NKAIN2: variants seen among roughly 807,000 people sequenced by gnomAD.
NKAIN2 encodes sodium/potassium transporting ATPase interacting 2, also known as sodium/potassium-transporting ATPase subunit beta-1-interacting protein 2.
A neutral mutation model predicts 32.6 loss-of-function variants in NKAIN2; 14 were observed. The ratio of observed to expected loss-of-function variants is 0.43; its 90% CI spans 0.28 to 0.67. The LOEUF (loss-of-function observed/expected upper bound fraction) is 0.67, where lower values mean the gene tolerates loss of function less well. Among genes scored for constraint, NKAIN2 ranks in the 30% least tolerant of loss-of-function variants. The probability of loss-of-function intolerance (pLI) is 0.17; values close to 1 mark genes in which losing one functional copy is unlikely to be tolerated. For missense variants in NKAIN2, 198 were observed against 258.3 expected (o/e 0.77, Z 1.60); for synonymous variants, 80 against 87.2 (o/e 0.92, Z 0.46).
At chr6:124,325,310 T>A (rs1185388395) in intron 2 of NKAIN2, among the ~76,000 whole-genome samples, 1 of 152,046 alleles carries the variant, frequency 6.6e-6, no homozygotes. Context: ...AGTGGGGATG[T>A]AAAATGGTTC....
At chr6:124,498,375 T>G (rs1476948663) in intron 3 of NKAIN2, among the ~76,000 whole-genome samples, 2 of 152,166 alleles carry the variant, frequency 1.3e-5, no homozygotes, top group African/African-American at 4.8e-5. Context: ...AGGGTGGATG[T>G]AAGCACAGAG....
chr6:124,739,735 G>C (rs1007396998), intron 4 of NKAIN2, among the ~76,000 whole-genome samples: 2 of 151,876 alleles, frequency 1.3e-5, no homozygotes, highest in African/African-American at 4.8e-5. Flanking sequence ...TGAAGAGTGA[G>C]CACTGCATCA....
At chr6:124,260,538 T>C (rs1794197910) in intron 1 of NKAIN2, among the ~76,000 whole-genome samples, 1 of 152,076 alleles carries the variant, frequency 6.6e-6, no homozygotes, top group African/African-American at 2.4e-5. Flanking sequence ...CCTGCTGTGT[T>C]CAAGAATCAG....
intron 3 of NKAIN2, among the ~76,000 whole-genome samples, chr6:124,409,610 G>T (rs931141348): frequency 9.9e-5 from 15 of 152,050 alleles, no homozygotes; most frequent in African/African-American, 1.4e-4. Context: ...ATTTTATTGA[G>T]GATTTTTGCA....
chr6:124,311,241 G>A (rs1480845875), intron 2 of NKAIN2, among the ~76,000 whole-genome samples: 1 of 151,996 alleles, frequency 6.6e-6, no homozygotes, highest in Non-Finnish European at 1.5e-5. Flanking sequence ...CTGCAGAGTT[G>A]GACAATACTG....
chr6:124,207,328 T>A (rs532668215), intron 1 of NKAIN2, among the ~76,000 whole-genome samples: 65 of 151,612 alleles, frequency 4.3e-4, no homozygotes, highest in African/African-American at 1.5e-3. Flanking sequence ...AATCGGGAAC[T>A]TAATTCCAAA....
At chr6:124,467,841 C>G (rs1032115550) in intron 3 of NKAIN2, among the ~76,000 whole-genome samples, 7 of 151,924 alleles carry the variant, frequency 4.6e-5, no homozygotes, top group African/African-American at 1.7e-4. Flanking sequence ...TTTAATTGAT[C>G]AAAGCTCAGG....
intron 1 of NKAIN2, among the ~76,000 whole-genome samples, chr6:124,165,295 G>A (rs1000472602): frequency 7.2e-5 from 11 of 151,968 alleles, no homozygotes; most frequent in African/African-American, 2.4e-4. Flanking sequence ...GGAAAAATTG[G>A]AATCACTAAT....
chr6:124,159,611 G>T (rs141370599), intron 1 of NKAIN2, among the ~76,000 whole-genome samples: 109 of 152,188 alleles, frequency 7.2e-4, no homozygotes, highest in Non-Finnish European at 1.3e-3. Context: ...CCTTATATTA[G>T]CCCATTCTTG....
At chr6:124,689,001 CA>C (rs1347420251) in intron 4 of NKAIN2, among the ~76,000 whole-genome samples, 1 of 152,118 alleles carries the variant, frequency 6.6e-6, no homozygotes. Flanking sequence ...CCAAGGAGCA[CA>C]ATTGCTAGTT....
In NKAIN2 at chr6:124,824,823, C is replaced by T. The variant is rs1036415163; in HGVS notation, c.*1594C>T. 2.6e-5 allele frequency: 4 copies of T among 152,086 alleles called. No homozygotes were observed. The highest frequency in any genetic ancestry group is 9.7e-5 in the African/African-American group (4 of 41,408). The allele number at this position is 152,086 out of a possible 1,614,324, so 9.4% of individuals were successfully genotyped here. On this transcript the variant is annotated 3_prime_UTR_variant, in exon 7 of 7. Coordinates refer to ENST00000368417, the MANE Select transcript of NKAIN2 (RefSeq NM_001040214.3). ...AAACTACTTTAGACCTTAGCCCATT[C>T]GGATCTACATACACCAGTTCCATTA...
At chr6:124,687,773 C>CACACAT in intron 4 of NKAIN2, among the ~76,000 whole-genome samples, 1 of 144,594 alleles carries the variant, frequency 6.9e-6, no homozygotes, top group South Asian at 2.1e-4. Flanking sequence ...CACACACACA[C>CACACAT]ACACACACAT....
chr6:124,367,410 C>G (rs1799568184), intron 3 of NKAIN2, among the ~76,000 whole-genome samples: 1 of 152,004 alleles, frequency 6.6e-6, no homozygotes, highest in African/African-American at 2.4e-5. Flanking sequence ...CTTTTTCTTC[C>G]CCTCCACTAT....
rs367946452 is a variant in NKAIN2, at chr6:123,994,237, A to G, written c.54+189983A>G. ...TTTTTTAGATTCTGAGATAGCATCCACCAACCTGCTACGCTTACTCTGGGG... is the reference window on the plus strand; with the variant it reads ...TTTTTTAGATTCTGAGATAGCATCCGCCAACCTGCTACGCTTACTCTGGGG... On this transcript the variant is annotated intron_variant, in intron 1 of 6. Transcript: ENST00000368417. Among the ~76,000 whole-genome samples, 502 of 150,728 alleles carry G rather than the reference A, an allele frequency of 3.3e-3. 5 individuals are homozygous for G. The highest frequency in any genetic ancestry group is 0.012 in the African/African-American group (480 of 40,900).
intron 1 of NKAIN2, among the ~76,000 whole-genome samples, chr6:123,947,543 T>TGAA (rs1211466648): frequency 6.6e-6 from 1 of 152,160 alleles, no homozygotes; most frequent in African/African-American, 2.4e-5. Context: ...AAAGCATGTG[T>TGAA]CTGAACTGCC....
intron 1 of NKAIN2, among the ~76,000 whole-genome samples, chr6:124,111,582 G>C (rs1402334925): frequency 6.6e-6 from 1 of 151,966 alleles, no homozygotes; most frequent in Non-Finnish European, 1.5e-5. Flanking sequence ...TTCAGCCAAT[G>C]TGTGTCCTTA....
chr6:124,271,138 G>T (rs1247614423), intron 1 of NKAIN2, among the ~76,000 whole-genome samples: 3 of 152,020 alleles, frequency 2.0e-5, no homozygotes, highest in Non-Finnish European at 2.9e-5. Context: ...AAGGTACCTT[G>T]CTTCTCCTTC....
rs567165513 is a variant in NKAIN2, at chr6:123,840,999, C to T, written c.54+36745C>T. On this transcript the variant is annotated intron_variant, in intron 1 of 6. Transcript: ENST00000368417. ...TTTCACAATTGCTTAAGGTTGCAAACCAGTAGGACTTCTTTCCTCTGTGTT... is the reference window on the plus strand; with the variant it reads ...TTTCACAATTGCTTAAGGTTGCAAATCAGTAGGACTTCTTTCCTCTGTGTT... 8.8e-4 allele frequency among the ~76,000 whole-genome samples: 134 copies of T among 152,124 alleles called. 1 individual carries two copies. The highest frequency in any genetic ancestry group is 3.2e-3 in the African/African-American group (133 of 41,550).
chr6:124,748,503 TG>T (rs1777557427), intron 4 of NKAIN2, among the ~76,000 whole-genome samples: 3 of 151,996 alleles, frequency 2.0e-5, no homozygotes. Context: ...GCCACCTGCT[TG>T]TCCCAAAGAG....
Sources: allele counts gnomAD v4.1 joint callset (sites outside exome capture counted in the v4.1 genomes callset), GRCh38; gene constraint gnomAD v4.1.1; transcripts MANE v1.5; gene names NCBI Gene and HGNC (gene_info 2026-07-23, HGNC 2026-07-21).